Variants in CDH9 observed in about 807,000 individuals in gnomAD.
CDH9 encodes the protein cadherin 9.
In CDH9, 28 loss-of-function variants were observed where a neutral mutation model predicts 70.9. That is an observed-to-expected ratio of 0.40 (90% CI 0.29 to 0.54). CDH9 has a LOEUF of 0.54. CDH9 is among the 20% of genes least tolerant of loss of function. The probability of loss-of-function intolerance (pLI) is 0.59; values close to 1 mark genes in which losing one functional copy is unlikely to be tolerated. For missense variants in CDH9, 874 were observed against 984.4 expected, an observed-to-expected ratio of 0.89 and a Z score of 1.50; for synonymous variants, 409 against 343.1, an observed-to-expected ratio of 1.19 and a Z score of -2.12.
rs545122259 is a variant in CDH9, at chr5:27,020,965, G to A, written c.-50+17498C>T. On this transcript the variant is annotated intron_variant, in intron 1 of 11. Coordinates refer to ENST00000231021, the MANE Select transcript of CDH9 (RefSeq NM_016279.4). ...TATCAAAATATATCCTTAATTTTGG[G>A]AAGTGTTCAATGGCTGATAAATCAA... 6.6e-5 allele frequency among the ~76,000 whole-genome samples: 10 copies of A among 151,772 alleles called. No individual in the cohort carries two copies. The East Asian group carries it at 1.7e-3, about 26-fold the overall frequency.
chr5:26,915,526 C>G (rs1416800677), intron 3 of CDH9, 104 bp downstream of exon 3: 2 of 691,440 alleles, frequency 2.9e-6, no homozygotes, highest in African/African-American at 1.8e-5. Flanking sequence ...ACAGTTATAA[C>G]TCTTATTCTG....
At chr5:26,896,120 T>TCTCAAGATTCAATTATACA (rs1403767592) in intron 7 of CDH9, among the ~76,000 whole-genome samples, 30 of 152,084 alleles carry the variant, frequency 2.0e-4, no homozygotes, top group Admixed American at 3.3e-4. Context: ...ATGCTACAGG[T>TCTCAAGATTCAATTATACA]GAAATTATAA....
At chr5:26,887,431 T>G (rs986632776) in intron 9 of CDH9, among the ~76,000 whole-genome samples, 33 of 150,676 alleles carry the variant, frequency 2.2e-4, no homozygotes, top group African/African-American at 7.7e-4. Flanking sequence ...ATTTTTAACT[T>G]TGTTAAATTC....
chr5:26,950,809 A>G (rs971752151), intron 2 of CDH9, among the ~76,000 whole-genome samples: 1 of 152,220 alleles, frequency 6.6e-6, no homozygotes, highest in African/African-American at 2.4e-5. Flanking sequence ...TTAAAATTAT[A>G]TGAGTAAAAT....
intron 2 of CDH9, among the ~76,000 whole-genome samples, chr5:26,980,409 T>C (rs1161353552): frequency 6.6e-6 from 1 of 151,962 alleles, no homozygotes; most frequent in Non-Finnish European, 1.5e-5. Flanking sequence ...TAAATTTTAC[T>C]AAGTGTATAC....
At chr5:26,911,498 G>T (rs1741053357) in intron 3 of CDH9, among the ~76,000 whole-genome samples, 1 of 152,082 alleles carries the variant, frequency 6.6e-6, no homozygotes, top group Non-Finnish European at 1.5e-5. Context: ...CAAAGTGTTA[G>T]GAAGAGGACT....
chr5:26,985,731 T>G (rs1305060811), intron 2 of CDH9, among the ~76,000 whole-genome samples: 1 of 152,116 alleles, frequency 6.6e-6, no homozygotes, highest in Non-Finnish European at 1.5e-5. Context: ...GACAGGCCTT[T>G]TCTTTACAGG....
intron 7 of CDH9, among the ~76,000 whole-genome samples, chr5:26,899,322 A>G (rs1158603085): frequency 2.6e-5 from 4 of 152,218 alleles, no homozygotes; most frequent in African/African-American, 4.8e-5. Flanking sequence ...ACTACTGGGT[A>G]TATACCCCAA....
intron 2 of CDH9, among the ~76,000 whole-genome samples, chr5:26,983,715 T>G (rs970772111): frequency 7.3e-5 from 9 of 123,824 alleles, no homozygotes; most frequent in African/African-American, 2.5e-4. Context: ...CTTTCAAACC[T>G]TTATAAACAT....
At chr5:26,977,504 T>C (rs1415942330) in intron 2 of CDH9, among the ~76,000 whole-genome samples, 1 of 150,590 alleles carries the variant, frequency 6.6e-6, no homozygotes, top group Non-Finnish European at 1.5e-5. Flanking sequence ...TATATATATA[T>C]ATATGGCACT....
chr5:26,916,048 T>C (rs760626049), intron 2 of CDH9, 124 bp from the exon 3 acceptor site: 4 of 623,876 alleles, frequency 6.4e-6, no homozygotes, highest in Non-Finnish European at 1.1e-5. Context: ...AATGGTTATC[T>C]TGACTTTTGC....
chr5:26,996,459 T>A (rs1350708440), intron 1 of CDH9, among the ~76,000 whole-genome samples: 2 of 151,998 alleles, frequency 1.3e-5, no homozygotes, highest in Non-Finnish European at 2.9e-5. Flanking sequence ...CCTGTGATTT[T>A]CCAATACTCT....
intron 1 of CDH9, among the ~76,000 whole-genome samples, chr5:27,037,212 CT>C (rs1302809215): frequency 4.6e-5 from 7 of 151,928 alleles, no homozygotes. Context: ...GGAAGATTCC[CT>C]TCTGTCTTGC....
intron 2 of CDH9, among the ~76,000 whole-genome samples, chr5:26,959,799 C>G (rs1409002030): frequency 6.6e-6 from 1 of 151,662 alleles, no homozygotes; most frequent in Non-Finnish European, 1.5e-5. Flanking sequence ...AAAATAAATA[C>G]AAAATATCCA....
At chr5:26,997,201 G>C (rs911886198) in intron 1 of CDH9, among the ~76,000 whole-genome samples, 7 of 152,220 alleles carry the variant, frequency 4.6e-5, no homozygotes, top group Non-Finnish European at 1.0e-4. Context: ...AATGATGGTG[G>C]AGCTAGTTTA....
chr5:26,928,508 G>A (rs1377780577), intron 2 of CDH9, among the ~76,000 whole-genome samples: 1 of 151,972 alleles, frequency 6.6e-6, no homozygotes, highest in African/African-American at 2.4e-5. Context: ...AAATTTTTAT[G>A]GACTCACAGA....
chr5:27,023,667 A>G (rs954617307), intron 1 of CDH9, among the ~76,000 whole-genome samples: 4 of 152,050 alleles, frequency 2.6e-5, no homozygotes, highest in Non-Finnish European at 5.9e-5. Context: ...TCTTGCTGTA[A>G]TAATCCGTAA....
intron 2 of CDH9, among the ~76,000 whole-genome samples, chr5:26,942,133 G>A (rs1471120156): frequency 2.6e-5 from 4 of 152,184 alleles, no homozygotes; most frequent in Non-Finnish European, 5.9e-5. Context: ...CACAATCATG[G>A]TGGAAGGGGA....
intron 2 of CDH9, among the ~76,000 whole-genome samples, chr5:26,951,548 C>T (rs1163718839): frequency 1.3e-5 from 2 of 152,070 alleles, no homozygotes; most frequent in South Asian, 2.1e-4. Flanking sequence ...TGTTTCATAA[C>T]CTAAATATAT....
Sources: allele counts gnomAD v4.1 joint callset (sites outside exome capture counted in the v4.1 genomes callset), GRCh38; gene constraint gnomAD v4.1.1; transcripts MANE v1.5; gene names NCBI Gene and HGNC (gene_info 2026-07-23, HGNC 2026-07-21).